The following PABIR1 variants were observed in gnomAD, a reference collection of about 807,000 sequenced individuals.
The protein encoded by PABIR1 is PPP2R1A-PPP2R2A-interacting phosphatase regulator 1.
In PABIR1, 2 loss-of-function variants were observed where a neutral mutation model predicts 14.6. That is an observed-to-expected ratio of 0.14 (90% CI 0.06 to 0.43). The LOEUF (loss-of-function observed/expected upper bound fraction) is 0.43. Ranked by LOEUF, PABIR1 falls within the 20% of genes least tolerant of loss-of-function variation. The probability of loss-of-function intolerance (pLI) is 0.99; values close to 1 mark genes in which losing one functional copy is unlikely to be tolerated. For missense variants in PABIR1, 294 were observed against 379.0 expected (o/e 0.78, Z 1.86); for synonymous variants, 163 against 155.4 (o/e 1.05, Z -0.36).
Position 68,780,866 on chromosome 9 carries a change from T to A in PABIR1, c.702T>A (p.Asp234Glu), listed in dbSNP as rs770723088. 78 of 1,614,116 alleles carry A rather than the reference T, an allele frequency of 4.8e-5. No individual in the cohort carries two copies. Among genetic ancestry groups the A allele is most frequent in the Non-Finnish European group, 6.6e-5 (78 of 1,180,046 alleles). ...CTTCTGACGTTGCACAGCTGTCAGA[T>A]CCTGGTGTGTGTGTATCTTCGGATA... is the stretch of plus-strand genomic sequence containing the variant. ...MLSSDVAQLS[D>E]PGVCVSSDTL... The change falls in exon 1 of 1, where the codon GAT becomes GAA. Residue 234 changes from aspartate to glutamate, a missense_variant. Transcript: ENST00000394264.
chr9:68,780,204 C>G lies in PABIR1; in HGVS notation c.40C>G (p.Pro14Ala), dbSNP rs1187128780. Reference sequence around the variant, plus strand: ...GATGGAGCTAGACCTGGAGCTGCCTCCGGGTACGGGCGGGAGCCCGGCGGA... The same window carrying G: ...GATGGAGCTAGACCTGGAGCTGCCTGCGGGTACGGGCGGGAGCCCGGCGGA... ...EKMELDLELP[P>A]GTGGSPAEGG... The change falls in exon 1 of 1, where the codon CCG becomes GCG. Residue 14 changes from proline (P) to alanine (A), a missense_variant. By Grantham distance (27) the Pro-to-Ala change is conservative. Around this residue, in one of 3 missense-constraint regions of PABIR1, gnomAD observed 96 missense variants for 102.2 expected, o/e 0.94. Coordinates refer to ENST00000394264, the MANE Select transcript of PABIR1 (RefSeq NM_138333.5). 10 of 1,536,322 alleles carry G rather than the reference C, an allele frequency of 6.5e-6. No individual in the cohort carries two copies. Among genetic ancestry groups the G allele is most frequent in the Non-Finnish European group, 8.7e-6 (10 of 1,148,628 alleles).
rs1831361315 is a variant in PABIR1 at position 68,782,648 on chromosome 9, T to C, written c.*1620T>C. 6.0e-6 allele frequency: 1 copy of C among 167,078 alleles called. No homozygotes were observed. The highest frequency in any genetic ancestry group is 1.5e-5 in the Non-Finnish European group (1 of 68,122). 10.3% of individuals were successfully genotyped at this position (167,078 alleles called of 1,614,324 possible). ...ACAGTTGCCTCAAGATGGAGTGAAA[T>C]TGCATCGAGGGTAAGACTGTGTCCA... On this transcript the variant is annotated 3_prime_UTR_variant, in exon 1 of 1. Coordinates refer to ENST00000394264, the MANE Select transcript of PABIR1 (RefSeq NM_138333.5).
In PABIR1 at chr9:68,783,339, C is replaced by A. The variant is rs1406282978; in HGVS notation, c.*2311C>A. 1 of 166,812 alleles carries A rather than the reference C, an allele frequency of 6.0e-6. No individual in the cohort carries two copies. Among genetic ancestry groups the A allele is most frequent in the Non-Finnish European group, 1.5e-5 (1 of 68,100 alleles). The allele number at this position is 166,812 out of a possible 1,614,324, so 10.3% of individuals were successfully genotyped here. The stretch of plus-strand genomic sequence containing the variant: ...TTCTTTAAATATGTCATGTACTTTT[C>A]TTGTGTCTGTTCTTTGGGATAATTC... On this transcript the variant is annotated 3_prime_UTR_variant, in exon 1 of 1. Coordinates refer to ENST00000394264, the MANE Select transcript of PABIR1 (RefSeq NM_138333.5).
chr9:68,780,505 G>A lies in PABIR1; in HGVS notation c.341G>A (p.Ser114Asn), dbSNP rs1005605109. The A allele has an allele frequency of 1.9e-6, 3 of 1,614,094 alleles. No homozygotes were observed. In the African/African-American group the frequency reaches 4.0e-5, roughly 22 times the overall value. Residue 114 changes from serine (S) to asparagine (N), a missense_variant, in exon 1 of 1, where the codon AGC becomes AAC. Ser to Asn is a conservative substitution (Grantham distance 46, BLOSUM62 1). Around this residue, in one of 3 missense-constraint regions of PABIR1, gnomAD observed 103 missense variants for 175.9 expected, o/e 0.59. Transcript: ENST00000394264. The part of the protein sequence containing the change: ...EREVQTAMQI[S>N]HSWEESFSLS... ...GAGGTGCAGACCGCAATGCAGATAA[G>A]CCACTCCTGGGAGGAAAGTTTCAGC...
rs1831214015 is a variant in PABIR1 at position 68,780,685 on chromosome 9, C to T, written c.521C>T (p.Pro174Leu). 9.3e-6 allele frequency: 15 copies of T among 1,614,242 alleles called. No individual in the cohort carries two copies. Among genetic ancestry groups the T allele is most frequent in the African/African-American group, 1.3e-5 (1 of 75,068 alleles). The part of the protein sequence containing the change: ...FVSSNGLPPS[P>L]IPSPTTRFTT... ...AGTAGCAACGGATTGCCTCCAAGCC[C>T]TATTCCCAGCCCAACGACCCGATTT... Residue 174 changes from proline (P) to leucine (L), a missense_variant, in exon 1 of 1, where the codon CCT becomes CTT. Around this residue, in one of 3 missense-constraint regions of PABIR1, gnomAD observed 103 missense variants for 175.9 expected, o/e 0.59. Coordinates refer to ENST00000394264, the MANE Select transcript of PABIR1 (RefSeq NM_138333.5).
Position 68,780,583 on chromosome 9 carries a change from T to C in PABIR1, c.419T>C (p.Ile140Thr), listed in dbSNP as rs1167110174. The stretch of plus-strand genomic sequence containing the variant: ...GCCTCCCCCAAGCGCATCGATTTCA[T>C]TCCTGTGTCACCAGCACCGTCACCC... ...KSASPKRIDF[I>T]PVSPAPSPTR... Residue 140 changes from isoleucine to threonine, a missense_variant, in exon 1 of 1, where the codon ATT becomes ACT. Coordinates refer to ENST00000394264, the MANE Select transcript of PABIR1 (RefSeq NM_138333.5). 6.2e-6 allele frequency: 10 copies of C among 1,614,096 alleles called. No homozygotes were observed. The highest frequency in any genetic ancestry group is 1.1e-5 in the South Asian group (1 of 91,094).
chr9:68,785,221 G>A lies in PABIR1; in HGVS notation c.*4193G>A, dbSNP rs147023446. Among the ~76,000 whole-genome samples, 329 of 152,302 alleles carry A rather than the reference G, an allele frequency of 2.2e-3. No homozygotes were observed. The highest frequency in any genetic ancestry group is 6.7e-3 in the African/African-American group (279 of 41,560). On this transcript the variant is annotated 3_prime_UTR_variant, in exon 1 of 1. Transcript: ENST00000394264. ...TGCTGAAAGTGTAGTTTGAATGATT[G>A]GCTGAGGCATTGAGGATAAGAGAAG... is the stretch of plus-strand genomic sequence containing the variant.
rs927959254 is a variant in PABIR1 at position 68,780,101 on chromosome 9, G to A, written c.-64G>A. ...GGCGGCGGCAGCGGCGGCGGCCCTG[G>A]ACTGCGGGGAATGGGAATCCTAGGT... On this transcript the variant is annotated 5_prime_UTR_variant, in exon 1 of 1. Coordinates refer to ENST00000394264, the MANE Select transcript of PABIR1 (RefSeq NM_138333.5). The A allele has an allele frequency of 4.1e-6, 6 of 1,473,568 alleles. No individual in the cohort carries two copies. The highest frequency in any genetic ancestry group is 2.9e-5 in the African/African-American group (2 of 68,850). 91.3% of individuals were successfully genotyped at this position (1,473,568 alleles called of 1,614,324 possible).
In PABIR1 at chr9:68,781,062, A is replaced by G; in HGVS notation, c.*34A>G. ...TCCTGAGACTTTCTTTTTGCAGTGG[A>G]GAGAGAGAATAATCTAGTTGGGGCA... is the stretch of plus-strand genomic sequence containing the variant. On this transcript the variant is annotated 3_prime_UTR_variant, in exon 1 of 1. Coordinates refer to ENST00000394264, the MANE Select transcript of PABIR1 (RefSeq NM_138333.5). The G allele has an allele frequency of 1.9e-6, 3 of 1,583,916 alleles. No individual in the cohort carries two copies. Among genetic ancestry groups the G allele is most frequent in the Non-Finnish European group, 2.6e-6 (3 of 1,163,294 alleles).
rs1831382090 is a variant in PABIR1, at chr9:68,782,927, TTC to T, written c.*1903_*1904del. ...ATGGAAGCATCTTTGACTTTTCCTT[TTC>T]TCTGTTGGATTAGCTTAATCACCAA... On this transcript the variant is annotated 3_prime_UTR_variant, in exon 1 of 1. Transcript: ENST00000394264. 6.0e-6 allele frequency: 1 copy of T among 167,116 alleles called. No individual in the cohort carries two copies. The highest frequency in any genetic ancestry group is 1.5e-5 in the Non-Finnish European group (1 of 68,134). 10.4% of individuals were successfully genotyped at this position (167,116 alleles called of 1,614,324 possible).
Position 68,780,523 on chromosome 9 carries a change from G to C in PABIR1, c.359G>C (p.Ser120Thr), listed in dbSNP as rs1196062924. 2.5e-6 allele frequency: 4 copies of C among 1,614,190 alleles called. No individual in the cohort carries two copies. Among genetic ancestry groups the C allele is most frequent in the Non-Finnish European group, 3.4e-6 (4 of 1,180,032 alleles). Residue 120 changes from serine (S) to threonine (T), a missense_variant, in exon 1 of 1, where the codon AGT becomes ACT. Around this residue, in one of 3 missense-constraint regions of PABIR1, gnomAD observed 103 missense variants for 175.9 expected, o/e 0.59. Coordinates refer to ENST00000394264, the MANE Select transcript of PABIR1 (RefSeq NM_138333.5). ...AMQISHSWEESFSLSDNDVEK... is the reference protein window; with the variant it reads ...AMQISHSWEETFSLSDNDVEK... The stretch of plus-strand genomic sequence containing the variant: ...CAGATAAGCCACTCCTGGGAGGAAA[G>C]TTTCAGCCTGAGTGACAACGACGTG...
At position 68,780,205 on chromosome 9, in the gene PABIR1, C is replaced by T. The variant is rs539621314; in HGVS notation, c.41C>T (p.Pro14Leu). Residue 14 changes from proline (P) to leucine (L), a missense_variant, in exon 1 of 1, where the codon CCG becomes CTG. By Grantham distance (98) the Pro-to-Leu change is moderately conservative (BLOSUM62 -3). Coordinates refer to ENST00000394264, the MANE Select transcript of PABIR1 (RefSeq NM_138333.5). ...ATGGAGCTAGACCTGGAGCTGCCTC[C>T]GGGTACGGGCGGGAGCCCGGCGGAG... Reference protein sequence around the residue: ...EKMELDLELPPGTGGSPAEGG... With the variant: ...EKMELDLELPLGTGGSPAEGG... 4.6e-6 allele frequency: 7 copies of T among 1,535,738 alleles called. No homozygotes were observed. In the African/African-American group the frequency reaches 9.7e-5, roughly 21 times the overall value.
At position 68,783,014 on chromosome 9, in the gene PABIR1, A is replaced by G. The variant is rs1831387433; in HGVS notation, c.*1986A>G. On this transcript the variant is annotated 3_prime_UTR_variant, in exon 1 of 1. Transcript: ENST00000394264. ...TTCCCTTCTCTATCTGTTGCCCCTGATTTTGCCTTAAGTTCTTGCCTGAGT... is the reference window on the plus strand; with the variant it reads ...TTCCCTTCTCTATCTGTTGCCCCTGGTTTTGCCTTAAGTTCTTGCCTGAGT... The G allele has an allele frequency of 6.0e-6, 1 of 166,848 alleles. No homozygotes were observed. The highest frequency in any genetic ancestry group is 2.4e-5 in the African/African-American group (1 of 41,342). The allele number at this position is 166,848 out of a possible 1,614,324, so 10.3% of individuals were successfully genotyped here.
In PABIR1 at chr9:68,781,746, CT is replaced by C. The variant is rs879260285; in HGVS notation, c.*729del. On this transcript the variant is annotated 3_prime_UTR_variant, in exon 1 of 1. Coordinates refer to ENST00000394264, the MANE Select transcript of PABIR1 (RefSeq NM_138333.5). ...ACTATAGAGAAAATAAAATTTTTTC[CT>C]TTTTTTTTTTAACCGGAAAGTGCAT... 7.1e-3 allele frequency: 1,092 copies of C among 153,050 alleles called. No individual in the cohort carries two copies. The highest frequency in any genetic ancestry group is 9.5e-4 in the Non-Finnish European group (62 of 65,206). 9.5% of individuals were successfully genotyped at this position (153,050 alleles called of 1,614,324 possible). A position where few individuals can be genotyped will look rare whatever the true frequency, so the allele number is the denominator to read the frequency against.
rs535345687 is a variant in PABIR1 at position 68,780,133 on chromosome 9, C to T, written c.-32C>T. The T allele has an allele frequency of 4.0e-6, 6 of 1,507,238 alleles. No individual in the cohort carries two copies. The African/African-American group carries it at 8.5e-5, about 21-fold the overall frequency. 93.4% of individuals were successfully genotyped at this position (1,507,238 alleles called of 1,614,324 possible). ...GGGAATGGGAATCCTAGGTCCCTGA[C>T]TGAGCACCTCCCCCGCCTCCCTGCC... is the stretch of plus-strand genomic sequence containing the variant. On this transcript the variant is annotated 5_prime_UTR_variant, in exon 1 of 1. Transcript: ENST00000394264.
At position 68,782,964 on chromosome 9, in the gene PABIR1, A is replaced by G. The variant is rs544365417; in HGVS notation, c.*1936A>G. ...TTAGCTTAATCACCAAGTCCTGTCA[A>G]CTTCTGAAATGAATCTCAAATTTCT... On this transcript the variant is annotated 3_prime_UTR_variant, in exon 1 of 1. Transcript: ENST00000394264. 175 of 167,156 alleles carry G rather than the reference A, an allele frequency of 1.0e-3. No individual in the cohort carries two copies. Among genetic ancestry groups the G allele is most frequent in the Non-Finnish European group, 1.8e-3 (126 of 68,110 alleles). The allele number at this position is 167,156 out of a possible 1,614,324, so 10.4% of individuals were successfully genotyped here.
At position 68,782,591 on chromosome 9, in the gene PABIR1, C is replaced by G. The variant is rs934608540; in HGVS notation, c.*1563C>G. On this transcript the variant is annotated 3_prime_UTR_variant, in exon 1 of 1. Transcript: ENST00000394264. Reference sequence around the variant, plus strand: ...TAACAATTTTGTGGAATTTTTACAACTATGAGAGTAAATGGAACTGGTCAA... The same window carrying G: ...TAACAATTTTGTGGAATTTTTACAAGTATGAGAGTAAATGGAACTGGTCAA... 6.0e-6 allele frequency: 1 copy of G among 167,054 alleles called. No individual in the cohort carries two copies. Among genetic ancestry groups the G allele is most frequent in the Admixed American group, 6.5e-5 (1 of 15,276 alleles). The allele number at this position is 167,054 out of a possible 1,614,324, so 10.3% of individuals were successfully genotyped here.
In PABIR1 at chr9:68,780,231, G is replaced by A. The variant is rs953821920; in HGVS notation, c.67G>A (p.Gly23Ser). 1.2e-5 allele frequency: 18 copies of A among 1,543,732 alleles called. No homozygotes were observed. The highest frequency in any genetic ancestry group is 1.6e-5 in the Non-Finnish European group (18 of 1,150,858). ...GGGTACGGGCGGGAGCCCGGCGGAGGGCGGTGGCAGCGGCGGCGGCGGGGG... is the reference window on the plus strand; with the variant it reads ...GGGTACGGGCGGGAGCCCGGCGGAGAGCGGTGGCAGCGGCGGCGGCGGGGG... ...PPGTGGSPAE[G>S]GGSGGGGGLR... Residue 23 changes from glycine (G) to serine (S), a missense_variant, in exon 1 of 1, where the codon GGC becomes AGC. Gly to Ser is a moderately conservative substitution (Grantham distance 56). Transcript: ENST00000394264.
rs771245548 is a variant in PABIR1, at chr9:68,781,080, T to C, written c.*52T>C. ...GCAGTGGAGAGAGAGAATAATCTAG[T>C]TGGGGCAAACACTGAACTTTGTCAA... On this transcript the variant is annotated 3_prime_UTR_variant, in exon 1 of 1. Transcript: ENST00000394264. The C allele has an allele frequency of 1.2e-5, 18 of 1,557,516 alleles. 1 individual carries two copies.
Sources: allele counts gnomAD v4.1 joint callset (sites outside exome capture counted in the v4.1 genomes callset), GRCh38; gene constraint gnomAD v4.1.1; regional missense constraint gnomAD v4.1.1; transcripts MANE v1.5; gene names NCBI Gene and HGNC (gene_info 2026-07-23, HGNC 2026-07-21).